The following SCEL variants were observed in gnomAD, a reference collection of about 807,000 sequenced individuals.
The protein encoded by SCEL is sciellin.
A neutral mutation model predicts 117.6 loss-of-function variants in SCEL; 113 were observed. The observed-to-expected ratio is 0.96, with a 90% confidence interval of 0.83 to 1.12. SCEL has a LOEUF of 1.12. Ranked by LOEUF, SCEL falls within the 50% of genes most tolerant of loss-of-function variation. SCEL has a pLI of 0.00. For synonymous variants in SCEL, 270 were observed against 256.2 expected, an observed-to-expected ratio of 1.05 and a Z score of -0.51; for missense variants, 785 against 810.8, an observed-to-expected ratio of 0.97 and a Z score of 0.39.
chr13:77,586,291 T>C (rs2086560881), intron 9 of SCEL, among the ~76,000 whole-genome samples: 1 of 152,162 alleles, frequency 6.6e-6, no homozygotes, highest in African/African-American at 2.4e-5. Flanking sequence ...TCTTGCCCTG[T>C]AAATAACCAC....
intron 1 of SCEL, among the ~76,000 whole-genome samples, chr13:77,552,998 T>A (rs1184314178): frequency 5.3e-5 from 8 of 152,198 alleles, no homozygotes. Context: ...TTCTCAGGTT[T>A]GTCAAAGATC....
At chr13:77,558,864 T>C (rs2084814321) in intron 3 of SCEL, among the ~76,000 whole-genome samples, 1 of 150,782 alleles carries the variant, frequency 6.6e-6, no homozygotes, top group African/African-American at 2.4e-5. Context: ...TAAGTAATGT[T>C]AGTAGAGCAT....
At chr13:77,564,580 A>G (rs2085181512) in intron 5 of SCEL, among the ~76,000 whole-genome samples, 2 of 152,178 alleles carry the variant, frequency 1.3e-5, no homozygotes, top group African/African-American at 2.4e-5. Flanking sequence ...AAGCATAAGT[A>G]AAGGACAAAG....
intron 11 of SCEL, among the ~76,000 whole-genome samples, chr13:77,592,177 A>T (rs918654535): frequency 6.6e-6 from 1 of 152,148 alleles, no homozygotes; most frequent in Non-Finnish European, 1.5e-5. Flanking sequence ...TTTTTATATT[A>T]TCCCCGTTTG....
At chr13:77,586,645 A>G (rs2086579388) in intron 9 of SCEL, among the ~76,000 whole-genome samples, 1 of 152,100 alleles carries the variant, frequency 6.6e-6, no homozygotes, top group Non-Finnish European at 1.5e-5. Context: ...CTCCTCCCCA[A>G]CCAGTTGAAT....
intron 32 of SCEL, 107 bp from the exon 33 acceptor site, chr13:77,644,151 G>A (rs1156636413): frequency 8.2e-7 from 1 of 1,222,046 alleles, no homozygotes; most frequent in Non-Finnish European, 1.2e-6. Flanking sequence ...AGGAAAAGTG[G>A]AATCCTTAAT....
At chr13:77,538,143 G>A (rs2083505630) in intron 1 of SCEL, among the ~76,000 whole-genome samples, 1 of 142,454 alleles carries the variant, frequency 7.0e-6, no homozygotes, top group Non-Finnish European at 1.5e-5. Flanking sequence ...TTTAAATGGA[G>A]TCTCGCTCTT....
intron 13 of SCEL, among the ~76,000 whole-genome samples, chr13:77,598,178 T>C (rs943514179): frequency 3.9e-5 from 6 of 152,104 alleles, no homozygotes; most frequent in South Asian, 2.1e-4. Context: ...CCAGGCTGTA[T>C]CTTCTTGTTT....
chr13:77,640,749 G>A lies in SCEL; in HGVS notation c.1912G>A (p.Glu638Lys), dbSNP rs200366354. Residue 638 changes from glutamate to lysine, a missense_variant, in exon 31 of 33, where the codon GAA (glutamate) becomes AAA (lysine). Transcript: ENST00000349847. The part of the protein sequence containing the change: ...LGVETKMILD[E>K]LQICCHSTCF... ...TGTAGAAACTAAAATGATTTTAGAT[G>A]AATTACAAATTTGCTGCCATTCTAC... 17 of 1,603,292 alleles carry A rather than the reference G, an allele frequency of 1.1e-5. No individual in the cohort carries two copies. In the East Asian group the frequency reaches 3.8e-4, roughly 36 times the overall value.
chr13:77,537,252 C>T (rs1043487774), intron 1 of SCEL, among the ~76,000 whole-genome samples: 1 of 152,148 alleles, frequency 6.6e-6, no homozygotes, highest in Non-Finnish European at 1.5e-5. Flanking sequence ...GGAGCATAGG[C>T]CCATCTAGTC....
intron 24 of SCEL, among the ~76,000 whole-genome samples, chr13:77,614,209 G>A (rs146747524): frequency 3.9e-5 from 6 of 152,246 alleles, no homozygotes; most frequent in African/African-American, 1.4e-4. Flanking sequence ...GGGCAGGAAG[G>A]AGCATAGGTA....
At chr13:77,601,560 G>T (rs1405372218) in intron 15 of SCEL, among the ~76,000 whole-genome samples, 1 of 152,128 alleles carries the variant, frequency 6.6e-6, no homozygotes, top group African/African-American at 2.4e-5. Flanking sequence ...TTTATATAAA[G>T]TGCTGGGACC....
chr13:77,588,898 C>G (rs2086710271), intron 9 of SCEL, among the ~76,000 whole-genome samples: 1 of 152,040 alleles, frequency 6.6e-6, no homozygotes, highest in African/African-American at 2.4e-5. Context: ...ATAGTCCAAA[C>G]TATAGTGAAA....
chr13:77,640,245 G>C (rs1408959975), intron 30 of SCEL, among the ~76,000 whole-genome samples: 2 of 151,814 alleles, frequency 1.3e-5, no homozygotes, highest in Admixed American at 1.3e-4. Flanking sequence ...TTCTATTTTG[G>C]GCCTGTTGAA....
chr13:77,549,783 G>GA (rs1246237074), intron 1 of SCEL, among the ~76,000 whole-genome samples: 5 of 152,160 alleles, frequency 3.3e-5, no homozygotes, highest in Non-Finnish European at 7.3e-5. Context: ...AATTATGAAT[G>GA]ATCCACGGGT....
At chr13:77,565,346 A>G (rs989964633) in intron 5 of SCEL, among the ~76,000 whole-genome samples, 2 of 152,248 alleles carry the variant, frequency 1.3e-5, no homozygotes, top group African/African-American at 4.8e-5. Flanking sequence ...TTTCAAGCTT[A>G]TAGAGTAATT....
intron 9 of SCEL, among the ~76,000 whole-genome samples, chr13:77,581,247 A>G (rs992674147): frequency 1.3e-5 from 2 of 152,232 alleles, no homozygotes; most frequent in African/African-American, 4.8e-5. Flanking sequence ...TGCTCATTCT[A>G]AACATTCAAA....
At chr13:77,587,098 T>A (rs1396594649) in intron 9 of SCEL, among the ~76,000 whole-genome samples, 4 of 151,884 alleles carry the variant, frequency 2.6e-5, no homozygotes, top group Non-Finnish European at 5.9e-5. Context: ...TCTCACACAG[T>A]CCTAATCCCT....
chr13:77,574,547 A>G (rs1423251924), intron 9 of SCEL, among the ~76,000 whole-genome samples: 3 of 152,222 alleles, frequency 2.0e-5, no homozygotes, highest in Admixed American at 2.0e-4. Context: ...CAATATAGCA[A>G]TGCCTTTGAT....
Sources: gnomAD v4.1 joint callset for allele counts (sites outside exome capture counted in the v4.1 genomes callset) on GRCh38, gnomAD v4.1.1 for gene constraint, MANE v1.5 for transcripts, NCBI Gene and HGNC (gene_info 2026-07-23, HGNC 2026-07-21) for gene names.